Variants in ALG6 observed in about 807,000 individuals in gnomAD.
ALG6 encodes the protein ALG6 alpha-1,3-glucosyltransferase, also known as dolichyl pyrophosphate Man9GlcNAc2 alpha-1,3-glucosyltransferase.
A neutral mutation model predicts 66.6 loss-of-function variants in ALG6; 46 were observed. The ratio of observed to expected loss-of-function variants is 0.69; its 90% CI spans 0.55 to 0.88. The LOEUF (loss-of-function observed/expected upper bound fraction) is 0.88, where lower values mean the gene tolerates loss of function less well. Among genes scored for constraint, ALG6 ranks in the 40% least tolerant of loss-of-function variants. ALG6 has a pLI of 0.00. For missense variants in ALG6, 505 were observed against 586.8 expected (o/e 0.86, Z 1.44); for synonymous variants, 185 against 203.7 (o/e 0.91, Z 0.78).
At chr1:63,381,371 A>G (rs528271024) in intron 2 of ALG6, among the ~76,000 whole-genome samples, 27 of 152,200 alleles carry the variant, frequency 1.8e-4, no homozygotes, top group African/African-American at 4.8e-4. Flanking sequence ...GGAGAATGGC[A>G]TGAACCCAGG....
At chr1:63,402,878 C>T (rs552792078) in intron 4 of ALG6, among the ~76,000 whole-genome samples, 130 of 151,020 alleles carry the variant, frequency 8.6e-4, no homozygotes, top group Non-Finnish European at 1.5e-3. Context: ...GGGCGGATCA[C>T]GAGGTCAGGA....
chr1:63,423,622 G>A lies in ALG6; in HGVS notation c.1058+4182G>A, dbSNP rs533329416. On this transcript the variant is annotated intron_variant, in intron 12 of 14. Coordinates refer to ENST00000263440, the MANE Select transcript of ALG6 (RefSeq NM_013339.4). ...GGAATCATATTATATGTGGTCTTTT[G>A]TGTCTAGCTTCTTAATATTTTCAAG... Among the ~76,000 whole-genome samples the A allele has an allele frequency of 3.3e-5, 5 of 152,214 alleles. No homozygotes were observed. In the South Asian group the frequency reaches 1.0e-3, roughly 32 times the overall value.
chr1:63,432,467 C>T (rs1644651593), intron 14 of ALG6, among the ~76,000 whole-genome samples: 1 of 152,080 alleles, frequency 6.6e-6, no homozygotes, highest in Admixed American at 6.6e-5. Flanking sequence ...CATGTGACGT[C>T]TTTGTCTACT....
chr1:63,411,971 C>G lies in ALG6; in HGVS notation c.726C>G (p.Phe242Leu), dbSNP rs59848367. ...TAGCTTGTATTGTTGTGGCTTCCTT[C>G]GTTCTCTGCTGGCTGCCATTCTTTA... is the stretch of plus-strand genomic sequence containing the variant. ...VKLACIVVAS[F>L]VLCWLPFFTE... Residue 242 changes from phenylalanine to leucine, a missense_variant, in exon 9 of 15, where the codon TTC becomes TTG. Coordinates refer to ENST00000263440, the MANE Select transcript of ALG6 (RefSeq NM_013339.4). 1 of 1,614,042 alleles carries G rather than the reference C, an allele frequency of 6.2e-7. No homozygotes were observed. Among genetic ancestry groups the G allele is most frequent in the Non-Finnish European group, 8.5e-7 (1 of 1,179,990 alleles).
intron 4 of ALG6, among the ~76,000 whole-genome samples, chr1:63,402,648 G>A (rs1358087113): frequency 1.3e-5 from 2 of 150,678 alleles, no homozygotes; most frequent in Admixed American, 6.6e-5. Flanking sequence ...TGTATTTTTA[G>A]TAGAGACGGG....
rs964851138 is a variant in ALG6, at chr1:63,411,308, T to TA, written c.663dup (p.Gly222ArgfsTer12). On this transcript the variant is annotated frameshift_variant, in exon 8 of 15. Transcript: ENST00000263440. LOFTEE classifies it high-confidence loss of function. Reference sequence around the variant, plus strand: ...TTTGCTTTTTACTTGGCAAGTGTTTTAAAAAAGGCCTCAAAGGAAAGGGGT... The same window carrying TA: ...TTTGCTTTTTACTTGGCAAGTGTTTTAAAAAAAGGCCTCAAAGGAAAGGGGT... 6.2e-7 allele frequency: 1 copy of TA among 1,613,640 alleles called. No individual in the cohort carries two copies. Among genetic ancestry groups the TA allele is most frequent in the Non-Finnish European group, 8.5e-7 (1 of 1,179,814 alleles).
intron 2 of ALG6, among the ~76,000 whole-genome samples, chr1:63,388,482 C>G (rs1470080891): frequency 6.6e-6 from 1 of 152,204 alleles, no homozygotes; most frequent in Non-Finnish European, 1.5e-5. Context: ...AAAAACTCTA[C>G]ACTTTATTCC....
At position 63,415,963 on chromosome 1, in the gene ALG6, T is replaced by A; in HGVS notation, c.987+6T>A. The A allele has an allele frequency of 6.3e-7, 1 of 1,577,852 alleles. No homozygotes were observed. Among genetic ancestry groups the A allele is most frequent in the Non-Finnish European group, 8.7e-7 (1 of 1,147,560 alleles). ...AAGGATTCAAATTTACACTGGTAAG[T>A]TTTTCATTACTTTAGATACTTAATT... is the stretch of plus-strand genomic sequence containing the variant. On this transcript the variant is annotated splice_donor_region_variant and intron_variant, in intron 11 of 14. Coordinates refer to ENST00000263440, the MANE Select transcript of ALG6 (RefSeq NM_013339.4).
At chr1:63,415,379 T>C (rs968838797) in intron 10 of ALG6, among the ~76,000 whole-genome samples, 1 of 152,188 alleles carries the variant, frequency 6.6e-6, no homozygotes, top group Non-Finnish European at 1.5e-5. Flanking sequence ...TCTAGTAGCT[T>C]CCTGCTCCCT....
In ALG6 at chr1:63,404,461, T is replaced by C. The variant is rs992876298; in HGVS notation, c.266T>C (p.Phe89Ser). The C allele has an allele frequency of 6.2e-6, 10 of 1,613,486 alleles. No individual in the cohort carries two copies. The highest frequency in any genetic ancestry group is 8.5e-6 in the Non-Finnish European group (10 of 1,179,622). Residue 89 changes from phenylalanine (F) to serine (S), a missense_variant, in exon 5 of 15, where the codon TTT becomes TCT. By Grantham distance (155) the Phe-to-Ser change is radical. Transcript: ENST00000263440. ...TATGCTTTGATTTGCAGGGCAAAGT[T>C]TATAAATCCAGACTGGATTGCTCTC... ...HSLLCAYVAK[F>S]INPDWIALHT...
chr1:63,415,524 T>A (rs1444747956), intron 10 of ALG6, among the ~76,000 whole-genome samples: 1 of 152,230 alleles, frequency 6.6e-6, no homozygotes, highest in African/African-American at 2.4e-5. Flanking sequence ...TTATCTCTTA[T>A]ACTTCATTAT....
intron 14 of ALG6, chr1:63,429,480 C>T (rs1644634246): frequency 5.6e-6 from 1 of 179,556 alleles, no homozygotes; most frequent in Non-Finnish European, 1.2e-5. Context: ...TGATAGCTGC[C>T]ATAACAAAAT....
rs180891315 is a variant in ALG6, at chr1:63,386,710, C to T, written c.83-9803C>T. On this transcript the variant is annotated intron_variant, in intron 2 of 14. Coordinates refer to ENST00000263440, the MANE Select transcript of ALG6 (RefSeq NM_013339.4). ...TTATTTAAGTCTTCTTTCTTTTTTT[C>T]CTAGTCTGGCTAAAAGTGTCTCAAT... 3.8e-4 allele frequency among the ~76,000 whole-genome samples: 57 copies of T among 151,870 alleles called. No individual in the cohort carries two copies. The East Asian group carries it at 9.7e-3, about 26-fold the overall frequency.
At chr1:63,380,019 G>A (rs1045335310) in intron 2 of ALG6, among the ~76,000 whole-genome samples, 1 of 151,772 alleles carries the variant, frequency 6.6e-6, no homozygotes, top group African/African-American at 2.4e-5. Flanking sequence ...CTCAACAAAA[G>A]CAACTTTTGT....
chr1:63,395,038 G>A (rs1648778363), intron 2 of ALG6, among the ~76,000 whole-genome samples: 1 of 150,946 alleles, frequency 6.6e-6, no homozygotes, highest in Non-Finnish European at 1.5e-5. Flanking sequence ...GCTAATTTTT[G>A]TATTTTTAGT....
At position 63,411,211 on chromosome 1, in the gene ALG6, T is replaced by G; in HGVS notation, c.560T>G (p.Leu187Arg). ...GVLGISCDCD[L>R]LGSLAFCLAI... Reference sequence around the variant, plus strand: ...CTTGGAATATCTTGTGACTGCGACCTCCTAGGGTCACTGGCATTTTGCTTA... The same window carrying G: ...CTTGGAATATCTTGTGACTGCGACCGCCTAGGGTCACTGGCATTTTGCTTA... The change falls in exon 8 of 15, where the codon CTC (leucine) becomes CGC (arginine). Residue 187 changes from leucine (L) to arginine (R), a missense_variant. Coordinates refer to ENST00000263440, the MANE Select transcript of ALG6 (RefSeq NM_013339.4). 1 of 1,613,796 alleles carries G rather than the reference T, an allele frequency of 6.2e-7. No homozygotes were observed. Among genetic ancestry groups the G allele is most frequent in the East Asian group, 2.2e-5 (1 of 44,852 alleles).
chr1:63,368,727 C>G (rs1020943336), intron 1 of ALG6, among the ~76,000 whole-genome samples: 2 of 152,126 alleles, frequency 1.3e-5, no homozygotes, highest in Admixed American at 6.5e-5. Flanking sequence ...TCTCGAACTC[C>G]TGACCTCAGG....
rs377388073 is a variant in ALG6, at chr1:63,414,485, G to A, written c.902+339G>A. Among the ~76,000 whole-genome samples the A allele has an allele frequency of 3.5e-3, 527 of 152,074 alleles. 3 individuals are homozygous for A. Among genetic ancestry groups the A allele is most frequent in the African/African-American group, 0.011 (467 of 41,500 alleles). ...GGCTGGTCTCGAACTCCTGACCTCA[G>A]GTGATCCACCCACCTCGGCCTCCCA... On this transcript the variant is annotated intron_variant, in intron 10 of 14. Coordinates refer to ENST00000263440, the MANE Select transcript of ALG6 (RefSeq NM_013339.4).
rs869085139 is a variant in ALG6, at chr1:63,368,501, CT to C, written c.-208+827del. ...CACATCCAAGTAATTTCCTTTTACA[CT>C]TTTTTTTTTTTTAATTGAGACAGAG... On this transcript the variant is annotated intron_variant, in intron 1 of 14. Coordinates refer to ENST00000263440, the MANE Select transcript of ALG6 (RefSeq NM_013339.4). Among the ~76,000 whole-genome samples the C allele has an allele frequency of 3.3e-3, 481 of 145,400 alleles. 2 individuals are homozygous for C. The highest frequency in any genetic ancestry group is 5.6e-3 in the African/African-American group (223 of 39,862).
Sources: allele counts gnomAD v4.1 joint callset (sites outside exome capture counted in the v4.1 genomes callset), GRCh38; gene constraint gnomAD v4.1.1; transcripts MANE v1.5; gene names NCBI Gene and HGNC (gene_info 2026-07-23, HGNC 2026-07-21).